LHFPL3: variants seen among roughly 807,000 people sequenced by gnomAD.
The protein encoded by LHFPL3 is LHFPL tetraspan subfamily member 3 protein.
Under a neutral mutation model 19.3 loss-of-function variants are expected in LHFPL3, and 5 were observed. The ratio of observed to expected loss-of-function variants is 0.26; its 90% CI spans 0.14 to 0.54. LHFPL3 has a LOEUF of 0.54. LHFPL3 is among the 20% of genes least tolerant of loss of function. The pLI is 0.94. For missense variants in LHFPL3, 249 were observed against 307.4 expected (o/e 0.81, Z 1.42); for synonymous variants, 133 against 126.2 (o/e 1.05, Z -0.36).
At chr7:104,511,439 A>G (rs1393285226) in intron 1 of LHFPL3, among the ~76,000 whole-genome samples, 2 of 152,220 alleles carry the variant, frequency 1.3e-5, no homozygotes, top group South Asian at 2.1e-4. Context: ...TGCAATTACT[A>G]TAGGATCCAG....
At chr7:104,595,290 A>G (rs538096090) in intron 1 of LHFPL3, among the ~76,000 whole-genome samples, 17 of 152,278 alleles carry the variant, frequency 1.1e-4, no homozygotes, top group South Asian at 1.0e-3. Context: ...CCTTGTAACA[A>G]TCAGGTCTCT....
chr7:104,702,080 T>C (rs1284096106), intron 1 of LHFPL3, among the ~76,000 whole-genome samples: 1 of 151,322 alleles, frequency 6.6e-6, no homozygotes, highest in Non-Finnish European at 1.5e-5. Flanking sequence ...CCTGTGTCCA[T>C]GTATTCTCAT....
chr7:104,625,378 A>T (rs979694312), intron 1 of LHFPL3, among the ~76,000 whole-genome samples: 1 of 152,220 alleles, frequency 6.6e-6, no homozygotes, highest in Admixed American at 6.5e-5. Context: ...TGCATTTTTG[A>T]TCTAGGAGCA....
chr7:104,781,181 C>G (rs919033769), intron 2 of LHFPL3, among the ~76,000 whole-genome samples: 2 of 152,162 alleles, frequency 1.3e-5, no homozygotes, highest in Admixed American at 1.3e-4. Flanking sequence ...TGCTTGGTCC[C>G]CTACTGTCCC....
chr7:104,749,787 G>T (rs965396666), intron 2 of LHFPL3, among the ~76,000 whole-genome samples: 1 of 152,112 alleles, frequency 6.6e-6, no homozygotes, highest in Non-Finnish European at 1.5e-5. Flanking sequence ...TTTTGTTTTG[G>T]TAGTGGCCAC....
intron 1 of LHFPL3, among the ~76,000 whole-genome samples, chr7:104,657,232 C>G (rs1342635008): frequency 6.6e-6 from 1 of 152,238 alleles, no homozygotes; most frequent in African/African-American, 2.4e-5. Flanking sequence ...TATTCTTAAA[C>G]AAGTAGCAGT....
At chr7:104,839,486 GC>G (rs2116582217) in intron 2 of LHFPL3, among the ~76,000 whole-genome samples, 1 of 152,132 alleles carries the variant, frequency 6.6e-6, no homozygotes, top group Non-Finnish European at 1.5e-5. Context: ...GGCCAATATG[GC>G]AAAACCCCCC....
intron 1 of LHFPL3, among the ~76,000 whole-genome samples, chr7:104,690,507 T>C (rs1467681639): frequency 6.6e-6 from 1 of 152,230 alleles, no homozygotes; most frequent in Non-Finnish European, 1.5e-5. Context: ...TTATCCTGAT[T>C]GGATCCAGGG....
chr7:104,614,998 A>T (rs575498919), intron 1 of LHFPL3, among the ~76,000 whole-genome samples: 1 of 151,990 alleles, frequency 6.6e-6, no homozygotes, highest in Admixed American at 6.6e-5. Flanking sequence ...CAAGCAATCC[A>T]TATGCTCTGG....
intron 1 of LHFPL3, among the ~76,000 whole-genome samples, chr7:104,684,646 C>A (rs564791683): frequency 1.3e-5 from 2 of 152,328 alleles, no homozygotes; most frequent in Non-Finnish European, 2.9e-5. Context: ...GGTCTTCTGT[C>A]CCACTGGATG....
chr7:104,352,686 T>C (rs984119950), intron 1 of LHFPL3, among the ~76,000 whole-genome samples: 2 of 152,252 alleles, frequency 1.3e-5, no homozygotes, highest in Non-Finnish European at 2.9e-5. Flanking sequence ...TTTTGTAGTC[T>C]GAAGGAAAGA....
chr7:104,463,855 C>T (rs1792723874), intron 1 of LHFPL3, among the ~76,000 whole-genome samples: 1 of 152,162 alleles, frequency 6.6e-6, no homozygotes, highest in East Asian at 1.9e-4. Context: ...ACCATATTGT[C>T]CGTCCCCAGC....
intron 2 of LHFPL3, among the ~76,000 whole-genome samples, chr7:104,738,002 C>T (rs944523542): frequency 3.7e-5 from 5 of 134,320 alleles, no homozygotes; most frequent in Middle Eastern, 3.8e-3. Context: ...ACTGTTTATG[C>T]GGGTAAACTA....
chr7:104,663,662 C>T (rs1792273715), intron 1 of LHFPL3, among the ~76,000 whole-genome samples: 1 of 152,188 alleles, frequency 6.6e-6, no homozygotes, highest in South Asian at 2.1e-4. Context: ...TTCAGGTTAC[C>T]ATATAAGAGA....
At chr7:104,603,183 CTTCCTTTCTTT>C (rs1791020573) in intron 1 of LHFPL3, among the ~76,000 whole-genome samples, 5 of 127,114 alleles carry the variant, frequency 3.9e-5, no homozygotes, top group Admixed American at 8.5e-5. Context: ...TTCTTTCTTT[CTTCCTTTCTTT>C]CTTTCTTTCT....
chr7:104,896,326 G>A (rs1584603972), intron 2 of LHFPL3, among the ~76,000 whole-genome samples: 1 of 152,178 alleles, frequency 6.6e-6, no homozygotes, highest in Admixed American at 6.6e-5. Context: ...CCCGTTGTCT[G>A]CAGCCATACC....
At chr7:104,593,822 A>G (rs1425385554) in intron 1 of LHFPL3, among the ~76,000 whole-genome samples, 1 of 152,058 alleles carries the variant, frequency 6.6e-6, no homozygotes, top group Non-Finnish European at 1.5e-5. Context: ...TTGAACCAAC[A>G]AAGTTGGTTT....
intron 2 of LHFPL3, among the ~76,000 whole-genome samples, chr7:104,810,774 AG>A (rs1790450887): frequency 6.6e-6 from 1 of 152,242 alleles, no homozygotes; most frequent in African/African-American, 2.4e-5. Flanking sequence ...GGAACCAACA[AG>A]GTACTCAAGT....
rs1349353166 is a variant in LHFPL3, at chr7:104,399,434, T to TA, written c.445+70210_445+70211insA. Among the ~76,000 whole-genome samples the TA allele has an allele frequency of 6.7e-6, 1 of 150,018 alleles. No homozygotes were observed. Among genetic ancestry groups the TA allele is most frequent in the Non-Finnish European group, 1.5e-5 (1 of 67,772 alleles). On this transcript the variant is annotated intron_variant, in intron 1 of 2. Transcript: ENST00000424859. The surrounding 1 kb of genome is among the most constrained non-coding windows in gnomAD (Gnocchi z 4.4). ...CTGGAAATGTACTATGTTCTTCTGT[T>TA]TTTTTTTGTTTTTTAGGTTTTTTTT... is the stretch of plus-strand genomic sequence containing the variant.
Sources: gnomAD v4.1 joint callset for allele counts (sites outside exome capture counted in the v4.1 genomes callset) on GRCh38, gnomAD v4.1.1 for gene constraint, Gnocchi (gnomAD v3.1) non-coding constraint, MANE v1.5 for transcripts, NCBI Gene and HGNC (gene_info 2026-07-23, HGNC 2026-07-21) for gene names.